Variants in SPATA1 observed in about 807,000 individuals in gnomAD.
The protein encoded by SPATA1 is spermatogenesis associated 1, also known as spermatogenesis-associated protein 1.
SPATA1 carries 57 observed loss-of-function variants against 59.6 expected under a neutral mutation model. The ratio of observed to expected loss-of-function variants is 0.96; its 90% confidence interval spans 0.77 to 1.19. The LOEUF is 1.19. SPATA1 is among the 50% of genes most tolerant of loss of function. The probability of loss-of-function intolerance (pLI) is 0.00; values close to 1 mark genes in which losing one functional copy is unlikely to be tolerated. For missense variants in SPATA1, 448 were observed against 480.7 expected, an observed-to-expected ratio of 0.93 and a Z score of 0.64; for synonymous variants, 147 against 163.9, an observed-to-expected ratio of 0.90 and a Z score of 0.79.
At chr1:84,527,093 G>A (rs1683257371) in intron 6 of SPATA1, among the ~76,000 whole-genome samples, 2 of 152,000 alleles carry the variant, frequency 1.3e-5, no homozygotes, top group Admixed American at 6.6e-5. Flanking sequence ...ACTAACTTTG[G>A]AACATTGTTG....
Position 84,550,548 on chromosome 1 carries a change from TA to T in SPATA1, c.1224+20del. On this transcript the variant is annotated intron_variant, in intron 12 of 12. Coordinates refer to ENST00000490879, the Ensembl canonical transcript of SPATA1. The stretch of plus-strand genomic sequence containing the variant: ...AAGTTAAGGTAATTTACATTTTTCC[TA>T]ATCAGATTATTATAACATTTATCTT... 1 of 1,496,160 alleles carries T rather than the reference TA, an allele frequency of 6.7e-7. No individual in the cohort carries two copies. Among genetic ancestry groups the T allele is most frequent in the Non-Finnish European group, 8.9e-7 (1 of 1,119,330 alleles). The allele number at this position is 1,496,160 out of a possible 1,614,324, so 92.7% of individuals were successfully genotyped here.
chr1:84,518,380 G>A (rs910555605), intron 2 of SPATA1, among the ~76,000 whole-genome samples: 2 of 151,898 alleles, frequency 1.3e-5, no homozygotes, highest in Non-Finnish European at 2.9e-5. Flanking sequence ...ATGTTACAGA[G>A]GTCCTTATTT....
At chr1:84,533,827 A>T in intron 8 of SPATA1, 61 bp downstream of exon 8, 1 of 1,015,928 alleles carries the variant, frequency 9.8e-7, no homozygotes, top group South Asian at 1.6e-5. Context: ...TTTTACTAAG[A>T]TTAAACTGAA....
intron 1 of SPATA1, among the ~76,000 whole-genome samples, chr1:84,514,577 C>T (rs1362624933): frequency 1.3e-5 from 2 of 152,146 alleles, no homozygotes; most frequent in Admixed American, 6.5e-5. Context: ...TTTAAAATTA[C>T]GGATACTCAA....
chr1:84,537,545 G>C (rs1028543786), intron 8 of SPATA1, among the ~76,000 whole-genome samples: 1 of 152,174 alleles, frequency 6.6e-6, no homozygotes, highest in African/African-American at 2.4e-5. Context: ...GAGTGAAGGG[G>C]AGGCCAGGTA....
At chr1:84,566,899 T>C (rs1362790814), downstream of SPATA1, among the ~76,000 whole-genome samples, 1 of 152,206 alleles carries the variant, frequency 6.6e-6, no homozygotes, top group Non-Finnish European at 1.5e-5. Context: ...CCTCCCAAAG[T>C]GCTTACAGGC....
chr1:84,566,646 T>G (rs1347545150), downstream of SPATA1, among the ~76,000 whole-genome samples: 2 of 152,146 alleles, frequency 1.3e-5, no homozygotes, highest in Non-Finnish European at 2.9e-5. Context: ...CTTTCTTTTT[T>G]GGGGGGGATG....
intron 8 of SPATA1, among the ~76,000 whole-genome samples, chr1:84,541,350 T>G (rs1263542831): frequency 6.6e-6 from 1 of 152,206 alleles, no homozygotes; most frequent in Admixed American, 6.5e-5. Context: ...ACAATTAGTC[T>G]TATCTTAGAT....
intron 12 of SPATA1, chr1:84,551,906 C>G (rs1001087615): frequency 3.9e-5 from 6 of 152,088 alleles, no homozygotes; most frequent in Non-Finnish European, 7.4e-5. Flanking sequence ...CTGTTTTCTT[C>G]TGGAAAGCAT....
At chr1:84,547,455 C>T (rs1292575436) in intron 10 of SPATA1, among the ~76,000 whole-genome samples, 3 of 152,016 alleles carry the variant, frequency 2.0e-5, no homozygotes, top group Non-Finnish European at 2.9e-5. Context: ...ATGGCCATGC[C>T]CATAAGGAGC....
chr1:84,563,946 A>G, intron 4 of SPATA1: 1 of 1,212,108 alleles, frequency 8.3e-7, no homozygotes, highest in Non-Finnish European at 1.1e-6. Flanking sequence ...TTTATAAAAA[A>G]CACTAATATT....
chr1:84,545,227 ATATATATT>A (rs1684049081), intron 9 of SPATA1, among the ~76,000 whole-genome samples: 1 of 148,476 alleles, frequency 6.7e-6, no homozygotes, highest in Admixed American at 6.8e-5. Context: ...AAAAAAATAT[ATATATATT>A]TATATATCAT....
In SPATA1 at chr1:84,523,987, A is replaced by G. The variant is rs540248514; in HGVS notation, c.261+1480A>G. Among the ~76,000 whole-genome samples, 21 of 151,746 alleles carry G rather than the reference A, an allele frequency of 1.4e-4. No individual in the cohort carries two copies. The South Asian group carries it at 4.1e-3, about 30-fold the overall frequency. On this transcript the variant is annotated intron_variant, in intron 4 of 12. Coordinates refer to ENST00000490879, the Ensembl canonical transcript of SPATA1. ...TACAAAACTAGAAAAAGAACTAGAT[A>G]TAGATCTTGCCCTCAAAGAGTGCTC...
chr1:84,543,476 C>T (rs890967988), intron 8 of SPATA1, among the ~76,000 whole-genome samples: 2 of 152,008 alleles, frequency 1.3e-5, no homozygotes, highest in Non-Finnish European at 2.9e-5. Context: ...CTTTCAATCA[C>T]GGTGGAAGGC....
chr1:84,519,026 C>A (rs531579998), intron 2 of SPATA1, among the ~76,000 whole-genome samples: 1 of 152,004 alleles, frequency 6.6e-6, no homozygotes, highest in African/African-American at 2.4e-5. Flanking sequence ...ATATTTCTCA[C>A]AGAGCCAGGA....
At chr1:84,547,398 C>T (rs889834127) in intron 10 of SPATA1, among the ~76,000 whole-genome samples, 9 of 152,076 alleles carry the variant, frequency 5.9e-5, no homozygotes, top group South Asian at 2.1e-4. Context: ...TACTATGTGC[C>T]GGGCACTGTT....
chr1:84,516,270 T>TA, exon 2 of SPATA1: 1 of 1,179,236 alleles, frequency 8.5e-7, no homozygotes, highest in East Asian at 2.9e-5. Flanking sequence ...AAAACTATTA[T>TA]AATTTTTATT....
At chr1:84,559,029 A>G (rs913194208), downstream of SPATA1, among the ~76,000 whole-genome samples, 2 of 152,188 alleles carry the variant, frequency 1.3e-5, no homozygotes, top group Non-Finnish European at 2.9e-5. Context: ...TCTATGTTAC[A>G]TATTTTTAAA....
chr1:84,509,751 G>C (rs1167661923), intron 1 of SPATA1, among the ~76,000 whole-genome samples: 2 of 152,184 alleles, frequency 1.3e-5, no homozygotes, highest in East Asian at 3.8e-4. Context: ...GGGTGACAGA[G>C]TGAGACCCAT....
Sources: gnomAD v4.1 joint callset for allele counts (sites outside exome capture counted in the v4.1 genomes callset) on GRCh38, gnomAD v4.1.1 for gene constraint, MANE v1.5 for transcripts, NCBI Gene and HGNC (gene_info 2026-07-23, HGNC 2026-07-21) for gene names.